The following CFAP299 variants were observed in gnomAD, a reference collection of about 807,000 sequenced individuals.
The protein encoded by CFAP299 is cilia- and flagella-associated protein 299.
A neutral mutation model predicts 27.0 loss-of-function variants in CFAP299; 21 were observed. That is an observed-to-expected ratio of 0.78 (90% CI 0.55 to 1.12). The LOEUF (loss-of-function observed/expected upper bound fraction) is 1.12, where lower values mean the gene tolerates loss of function less well. CFAP299 is among the 50% of genes most tolerant of loss of function. The pLI is 0.00. For missense variants in CFAP299, 310 were observed against 276.6 expected, an observed-to-expected ratio of 1.12 and a Z score of -0.86; for synonymous variants, 104 against 98.1, an observed-to-expected ratio of 1.06 and a Z score of -0.36.
chr4:80,358,343 C>G (rs149014544), intron 1 of CFAP299, among the ~76,000 whole-genome samples: 69 of 151,842 alleles, frequency 4.5e-4, no homozygotes, highest in African/African-American at 1.6e-3. Flanking sequence ...AGATATTTAT[C>G]AGTTCCACTT....
intron 3 of CFAP299, among the ~76,000 whole-genome samples, chr4:80,837,053 C>A (rs1413804130): frequency 6.6e-6 from 1 of 151,716 alleles, no homozygotes; most frequent in Non-Finnish European, 1.5e-5. Flanking sequence ...ATATTATTAA[C>A]AAATATATTG....
intron 2 of CFAP299, among the ~76,000 whole-genome samples, chr4:80,575,402 T>C (rs913234477): frequency 2.0e-5 from 3 of 151,922 alleles, no homozygotes; most frequent in Non-Finnish European, 4.4e-5. Flanking sequence ...CACACCTCAC[T>C]GCAGCCTTGA....
At chr4:80,799,836 AT>A (rs1374042220) in intron 3 of CFAP299, among the ~76,000 whole-genome samples, 2 of 38,388 alleles carry the variant, frequency 5.2e-5, no homozygotes, top group Non-Finnish European at 4.2e-5. Flanking sequence ...ATATTTATAT[AT>A]TATATTATAT....
At chr4:80,894,670 C>T (rs867292040) in intron 4 of CFAP299, among the ~76,000 whole-genome samples, 1 of 151,830 alleles carries the variant, frequency 6.6e-6, no homozygotes, top group Admixed American at 6.6e-5. Context: ...ACTATGTGAT[C>T]CAACAATTCG....
chr4:80,776,451 G>A (rs1007799549), intron 3 of CFAP299, among the ~76,000 whole-genome samples: 2 of 151,942 alleles, frequency 1.3e-5, no homozygotes, highest in Admixed American at 6.6e-5. Flanking sequence ...TGAAGATTAC[G>A]GTCCATGTCT....
chr4:80,874,529 G>A (rs556677078), intron 4 of CFAP299, among the ~76,000 whole-genome samples: 3 of 152,240 alleles, frequency 2.0e-5, no homozygotes, highest in South Asian at 4.2e-4. Flanking sequence ...TGGTTTTGGA[G>A]GCTGGAAAAT....
chr4:80,707,223 A>G (rs1721872796), intron 3 of CFAP299, among the ~76,000 whole-genome samples: 1 of 152,010 alleles, frequency 6.6e-6, no homozygotes, highest in Non-Finnish European at 1.5e-5. Flanking sequence ...CCTGTGGGCC[A>G]AATCTCTTTC....
chr4:80,442,546 C>G (rs899719183), intron 2 of CFAP299, among the ~76,000 whole-genome samples: 16 of 152,174 alleles, frequency 1.1e-4, no homozygotes, highest in African/African-American at 3.9e-4. Flanking sequence ...CTCTGGGACA[C>G]AGCTAAAGCA....
At chr4:80,905,036 T>C (rs933904049) in intron 4 of CFAP299, among the ~76,000 whole-genome samples, 2 of 152,256 alleles carry the variant, frequency 1.3e-5, no homozygotes, top group Non-Finnish European at 1.5e-5. Context: ...GAAATATGGA[T>C]GAAATTTTAT....
At chr4:80,722,153 C>G (rs1026915143) in intron 3 of CFAP299, among the ~76,000 whole-genome samples, 2 of 152,210 alleles carry the variant, frequency 1.3e-5, no homozygotes, top group Non-Finnish European at 2.9e-5. Context: ...CTCAGTGGCT[C>G]ATGCCTGTAA....
intron 3 of CFAP299, among the ~76,000 whole-genome samples, chr4:80,822,776 G>A (rs1437748552): frequency 6.6e-6 from 1 of 152,162 alleles, no homozygotes; most frequent in Non-Finnish European, 1.5e-5. Flanking sequence ...CTTATTCTAG[G>A]AAATTGTGCA....
At chr4:80,372,398 A>C (rs183357006) in intron 2 of CFAP299, among the ~76,000 whole-genome samples, 3 of 152,350 alleles carry the variant, frequency 2.0e-5, no homozygotes, top group Admixed American at 2.0e-4. Flanking sequence ...TCGGGATGCA[A>C]CTTTGTATTG....
intron 3 of CFAP299, among the ~76,000 whole-genome samples, chr4:80,800,738 A>C (rs1304645402): frequency 1.2e-5 from 1 of 83,120 alleles, no homozygotes; most frequent in African/African-American, 5.1e-5. Context: ...GTGTATATAT[A>C]TATAATCAGT....
At chr4:80,826,384 T>C (rs915911231) in intron 3 of CFAP299, among the ~76,000 whole-genome samples, 13 of 151,632 alleles carry the variant, frequency 8.6e-5, no homozygotes, top group Admixed American at 1.3e-4. Context: ...TTATTTTAAA[T>C]GTAAATAGAC....
At chr4:80,352,931 C>G (rs976937673) in intron 1 of CFAP299, among the ~76,000 whole-genome samples, 1 of 151,908 alleles carries the variant, frequency 6.6e-6, no homozygotes, top group African/African-American at 2.4e-5. Flanking sequence ...ATAGAGGGAA[C>G]TTCACAGTTT....
At chr4:80,333,640 C>CAT (rs1408170346), upstream of CFAP299, among the ~76,000 whole-genome samples, 1 of 152,134 alleles carries the variant, frequency 6.6e-6, no homozygotes, top group Non-Finnish European at 1.5e-5. Flanking sequence ...TTAAATCTGG[C>CAT]ATATATTTTG....
chr4:80,457,411 A>G (rs111980816), intron 2 of CFAP299, among the ~76,000 whole-genome samples: 138 of 152,310 alleles, frequency 9.1e-4, no homozygotes, highest in African/African-American at 3.1e-3. Flanking sequence ...CATGTGCCAC[A>G]GATTCTGTGC....
At chr4:80,343,016 G>C (rs552354872) in intron 1 of CFAP299, among the ~76,000 whole-genome samples, 1 of 152,108 alleles carries the variant, frequency 6.6e-6, no homozygotes, top group African/African-American at 2.4e-5. Context: ...AAAAAGCAGG[G>C]GTTGCAATCC....
chr4:80,829,583 G>A (rs745912092), intron 3 of CFAP299, among the ~76,000 whole-genome samples: 31 of 152,000 alleles, frequency 2.0e-4, no homozygotes, highest in Middle Eastern at 3.2e-3. Flanking sequence ...AAGTATGTAA[G>A]TAATATAATT....
Sources: gnomAD v4.1 joint callset for allele counts (sites outside exome capture counted in the v4.1 genomes callset) on GRCh38, gnomAD v4.1.1 for gene constraint, MANE v1.5 for transcripts, NCBI Gene and HGNC (gene_info 2026-07-23, HGNC 2026-07-21) for gene names.